KLHDC2: variants seen among roughly 807,000 people sequenced by gnomAD.
The protein encoded by KLHDC2 is kelch domain containing 2, also known as kelch domain-containing protein 2.
KLHDC2 carries 38 observed loss-of-function variants against 62.3 expected under a neutral mutation model. That is an observed-to-expected ratio of 0.61 (90% CI 0.47 to 0.80). The LOEUF is 0.80. KLHDC2 is among the 30% of genes least tolerant of loss of function. The probability of loss-of-function intolerance (pLI) is 0.00; values close to 1 mark genes in which losing one functional copy is unlikely to be tolerated. For synonymous variants in KLHDC2, 159 were observed against 161.0 expected (o/e 0.99, Z 0.09); for missense variants, 430 against 495.3 (o/e 0.87, Z 1.25).
At chr14:49,771,050 T>A (rs1173546274) in intron 1 of KLHDC2, among the ~76,000 whole-genome samples, 1 of 151,886 alleles carries the variant, frequency 6.6e-6, no homozygotes, top group Admixed American at 6.6e-5. Context: ...CCTTAGAGAG[T>A]TCCCAGAGAT....
At chr14:49,771,117 G>C (rs1279138738) in intron 1 of KLHDC2, among the ~76,000 whole-genome samples, 1 of 152,074 alleles carries the variant, frequency 6.6e-6, no homozygotes, top group Admixed American at 6.5e-5. Context: ...GGGAGGCTGA[G>C]GTGGGTGGAT....
At position 49,784,823 on chromosome 14, in the gene KLHDC2, G is replaced by C; in HGVS notation, c.*1870G>C. 2 of 1,396,562 alleles carry C rather than the reference G, an allele frequency of 1.4e-6. No homozygotes were observed. The highest frequency in any genetic ancestry group is 2.3e-5 in the East Asian group (1 of 43,742). 86.5% of individuals were successfully genotyped at this position (1,396,562 alleles called of 1,614,324 possible). A position where few individuals can be genotyped will look rare whatever the true frequency, so the allele number is the denominator to read the frequency against. On this transcript the variant is annotated 3_prime_UTR_variant, in exon 13 of 13. Coordinates refer to ENST00000298307, the MANE Select transcript of KLHDC2 (RefSeq NM_014315.3). ...AACTTTTAGCTGAGATGGTTTTACT[G>C]CTTCTAATAAGACAGCATTTTCTAC...
Position 49,774,673 on chromosome 14 carries a change from A to G in KLHDC2, c.346A>G (p.Asn116Asp). The change falls in exon 3 of 13, where the codon AAT becomes GAT. Residue 116 changes from asparagine to aspartate, a missense_variant. By Grantham distance (23) the Asn-to-Asp change is conservative. Transcript: ENST00000298307. ...FGGHHSRGNTNKFYMLDSRST... is the reference protein window; with the variant it reads ...FGGHHSRGNTDKFYMLDSRST... ...AGGACACCATTCAAGAGGCAATACC[A>G]ATAAGGTTAGTGTTTCTAAGGATTA... 1 of 1,567,456 alleles carries G rather than the reference A, an allele frequency of 6.4e-7. No individual in the cohort carries two copies. Among genetic ancestry groups the G allele is most frequent in the East Asian group, 2.2e-5 (1 of 44,658 alleles).
At chr14:49,777,557 C>T (rs1030207665) in intron 3 of KLHDC2, among the ~76,000 whole-genome samples, 4 of 21,192 alleles carry the variant, frequency 1.9e-4, no homozygotes, top group Non-Finnish European at 6.2e-4. Context: ...TGTGCCACTG[C>T]ACTCCAGCCT....
chr14:49,782,943 C>T lies in KLHDC2; in HGVS notation c.1211C>T (p.Ser404Phe). Residue 404 changes from serine to phenylalanine, a missense_variant, in exon 13 of 13, where the codon TCT (serine) becomes TTT (phenylalanine). Ser to Phe is a radical substitution (Grantham distance 155, BLOSUM62 -2). Transcript: ENST00000298307. ...VNQRFGSNNT[S>F]GS is the part of the protein sequence containing the mutation. Reference sequence around the variant, plus strand: ...CAGAGGTTTGGTAGTAACAACACTTCTGGATCTTAAGGCTTCATAAATAAT... The same window carrying T: ...CAGAGGTTTGGTAGTAACAACACTTTTGGATCTTAAGGCTTCATAAATAAT... The T allele has an allele frequency of 1.2e-6, 2 of 1,612,854 alleles. No individual in the cohort carries two copies. The highest frequency in any genetic ancestry group is 1.7e-6 in the Non-Finnish European group (2 of 1,179,522).
At chr14:49,779,241 T>C (rs4900950) in intron 6 of KLHDC2, among the ~76,000 whole-genome samples, 7 of 152,214 alleles carry the variant, frequency 4.6e-5, no homozygotes, top group African/African-American at 1.7e-4. Context: ...CTCTGCACTA[T>C]ACTGCAATTT....
At chr14:49,771,487 A>G (rs1889663100) in intron 1 of KLHDC2, 107 bp from the exon 2 acceptor site, 6 of 619,514 alleles carry the variant, frequency 9.7e-6, no homozygotes, top group African/African-American at 1.9e-5. Context: ...TGTAATACCT[A>G]TTTTTCATAC....
chr14:49,779,563 A>T, intron 6 of KLHDC2, 32 bp from the exon 7 acceptor site: 1 of 1,558,562 alleles, frequency 6.4e-7, no homozygotes, highest in Non-Finnish European at 8.8e-7. Context: ...GTTTATAAAA[A>T]GTTCACTAAC....
At chr14:49,773,670 G>A (rs1889711847) in intron 2 of KLHDC2, among the ~76,000 whole-genome samples, 1 of 150,302 alleles carries the variant, frequency 6.7e-6, no homozygotes, top group Admixed American at 6.6e-5. Flanking sequence ...TCCGCCTCCT[G>A]GCTTCACACC....
intron 6 of KLHDC2, among the ~76,000 whole-genome samples, chr14:49,778,711 C>T (rs6572614): frequency 0.97 from 147,345 of 152,148 alleles, 71,544 homozygotes; most frequent in East Asian, 1. Context: ...GCATCTATTA[C>T]CTAATAATCT....
chr14:49,768,439 ATTGTTGG>A lies in KLHDC2; in HGVS notation c.-27_-21del. 1 of 1,602,668 alleles carries A rather than the reference ATTGTTGG, an allele frequency of 6.2e-7. No individual in the cohort carries two copies. Among genetic ancestry groups the A allele is most frequent in the Middle Eastern group, 1.7e-4 (1 of 6,012 alleles). On this transcript the variant is annotated 5_prime_UTR_variant, in exon 1 of 13. Transcript: ENST00000298307. ...TTTTTGGCCCCTCGCGGGTGTGGGC[ATTGTTGG>A]TTAGCAAAAGTGCAGCCTCAAGATG... is the stretch of plus-strand genomic sequence containing the variant.
At chr14:49,770,440 CG>C (rs1208953142) in intron 1 of KLHDC2, among the ~76,000 whole-genome samples, 1 of 152,178 alleles carries the variant, frequency 6.6e-6, no homozygotes, top group Non-Finnish European at 1.5e-5. Flanking sequence ...AGTTGTTTTA[CG>C]TGGTCAACTG....
intron 2 of KLHDC2, among the ~76,000 whole-genome samples, chr14:49,773,187 G>A (rs1239539679): frequency 6.6e-6 from 1 of 152,030 alleles, no homozygotes; most frequent in East Asian, 1.9e-4. Context: ...GCCGAGGCAG[G>A]TGGATCATGA....
chr14:49,778,309 A>G, intron 5 of KLHDC2, 50 bp downstream of exon 5: 1 of 1,368,652 alleles, frequency 7.3e-7, no homozygotes, highest in African/African-American at 1.4e-5. Context: ...TGTTGAAATA[A>G]TACATTTTAT....
intron 3 of KLHDC2, chr14:49,774,881 G>T: frequency 1.8e-6 from 1 of 552,168 alleles, no homozygotes; most frequent in Non-Finnish European, 3.2e-6. Context: ...AACTTTTGTT[G>T]GTAACCTGTG....
At chr14:49,782,783 C>G (rs188187880) in intron 12 of KLHDC2, 47 bp from the exon 13 acceptor site, 5 of 1,584,600 alleles carry the variant, frequency 3.2e-6, no homozygotes, top group Non-Finnish European at 4.3e-6. Context: ...AATGTACTTC[C>G]AAACAGTAAA....
chr14:49,770,934 G>T (rs555711000), intron 1 of KLHDC2, among the ~76,000 whole-genome samples: 9 of 152,238 alleles, frequency 5.9e-5, no homozygotes, highest in African/African-American at 1.9e-4. Context: ...CATCGTGTTA[G>T]CGTGGATCAG....
chr14:49,782,972 T>A lies in KLHDC2; in HGVS notation c.*19T>A, dbSNP rs762376622. On this transcript the variant is annotated 3_prime_UTR_variant, in exon 13 of 13. Transcript: ENST00000298307. ...ATCTTAAGGCTTCATAAATAATGCCTATGATCACCTTGCATGGACAGCAAT... is the reference window on the plus strand; with the variant it reads ...ATCTTAAGGCTTCATAAATAATGCCAATGATCACCTTGCATGGACAGCAAT... 6.2e-7 allele frequency: 1 copy of A among 1,607,746 alleles called. No homozygotes were observed. Among genetic ancestry groups the A allele is most frequent in the Admixed American group, 1.7e-5 (1 of 58,840 alleles).
Position 49,785,335 on chromosome 14 carries a change from TAACA to T in KLHDC2, c.*2383_*2386del. On this transcript the variant is annotated 3_prime_UTR_variant, in exon 13 of 13. Coordinates refer to ENST00000298307, the MANE Select transcript of KLHDC2 (RefSeq NM_014315.3). Reference sequence around the variant, plus strand: ...AATAGGTTTTCCTAAAAAGGGAAAATAACAGTTACAAAGGCAATTTATACCGCCC... The same window carrying T: ...AATAGGTTTTCCTAAAAAGGGAAAATGTTACAAAGGCAATTTATACCGCCC... 1.3e-6 allele frequency: 2 copies of T among 1,592,196 alleles called. No individual in the cohort carries two copies. Among genetic ancestry groups the T allele is most frequent in the Non-Finnish European group, 1.7e-6 (2 of 1,160,292 alleles).
Sources: allele counts gnomAD v4.1 joint callset (sites outside exome capture counted in the v4.1 genomes callset), GRCh38; gene constraint gnomAD v4.1.1; transcripts MANE v1.5; gene names NCBI Gene and HGNC (gene_info 2026-07-23, HGNC 2026-07-21).